The following WAPL variants were observed in gnomAD, a reference collection of about 807,000 sequenced individuals.
WAPL encodes the protein wings apart-like protein homolog.
WAPL carries 5 observed loss-of-function variants against 121.0 expected under a neutral mutation model. That is an observed-to-expected ratio of 0.04 (90% CI 0.02 to 0.09). WAPL has a LOEUF of 0.09. Among genes scored for constraint, WAPL ranks in the 10% least tolerant of loss-of-function variants. WAPL has a pLI of 1.00. For synonymous variants in WAPL, 480 were observed against 481.5 expected (o/e 1.00, Z 0.04); for missense variants, 999 against 1,410.8 (o/e 0.71, Z 4.68).
At chr10:86,482,634 A>C (rs1002747289) in intron 4 of WAPL, among the ~76,000 whole-genome samples, 1 of 152,226 alleles carries the variant, frequency 6.6e-6, no homozygotes, top group African/African-American at 2.4e-5. Flanking sequence ...TTTTCACAAA[A>C]TGATGGGGAC....
chr10:86,515,343 G>A (rs1341153634), intron 2 of WAPL, among the ~76,000 whole-genome samples: 1 of 151,852 alleles, frequency 6.6e-6, no homozygotes, highest in Admixed American at 6.6e-5. Flanking sequence ...CTTGTACAGT[G>A]GTTTGACGGA....
chr10:86,490,414 T>A (rs1405041296), intron 4 of WAPL, among the ~76,000 whole-genome samples: 2 of 152,196 alleles, frequency 1.3e-5, no homozygotes, highest in Non-Finnish European at 2.9e-5. Flanking sequence ...GCCAGATAGA[T>A]TCCTTTGTAA....
chr10:86,469,106 TAAATA>T (rs552831506), intron 8 of WAPL, among the ~76,000 whole-genome samples: 1 of 150,958 alleles, frequency 6.6e-6, no homozygotes, highest in African/African-American at 2.4e-5. Context: ...TCTCTCAAAA[TAAATA>T]AAATAAAATA....
At chr10:86,487,791 A>G (rs1418535908) in intron 4 of WAPL, among the ~76,000 whole-genome samples, 1 of 152,170 alleles carries the variant, frequency 6.6e-6, no homozygotes, top group East Asian at 1.9e-4. Flanking sequence ...GCTACTTGGG[A>G]GGCTGAGGCA....
At position 86,521,689 on chromosome 10, in the gene WAPL, G is replaced by A. The variant is rs896246883; in HGVS notation, c.-347C>T. ...GCCTCCTGCGCCGCCGCTTCCGCCG[G>A]TGAATGGTCAGTGCTGGAGTTTGAA... On this transcript the variant is annotated 5_prime_UTR_variant, in exon 1 of 19. Coordinates refer to ENST00000298767, the MANE Select transcript of WAPL (RefSeq NM_015045.5). The A allele has an allele frequency of 8.6e-6, 4 of 464,050 alleles. No individual in the cohort carries two copies. The highest frequency in any genetic ancestry group is 3.1e-5 in the South Asian group (2 of 63,542). The allele number at this position is 464,050 out of a possible 1,614,324, so 28.7% of individuals were successfully genotyped here. A position where few individuals can be genotyped will look rare whatever the true frequency, so the allele number is the denominator to read the frequency against.
chr10:86,468,040 A>G (rs1841441827), intron 8 of WAPL, among the ~76,000 whole-genome samples: 1 of 151,994 alleles, frequency 6.6e-6, no homozygotes, highest in Non-Finnish European at 1.5e-5. Flanking sequence ...CTTAAAATTT[A>G]CCTTTCAATG....
chr10:86,483,796 T>TAA (rs1841859353), intron 4 of WAPL, among the ~76,000 whole-genome samples: 1 of 7,198 alleles, frequency 1.4e-4, no homozygotes, highest in African/African-American at 3.9e-4. Context: ...TTTTTTTTCT[T>TAA]TTTTTTTTTT....
intron 16 of WAPL, 169 bp from the exon 17 acceptor site, chr10:86,443,532 G>T: frequency 2.0e-6 from 1 of 491,702 alleles, no homozygotes; most frequent in Non-Finnish European, 3.5e-6. Flanking sequence ...AATGAAATAG[G>T]GATCCAAAAG....
At chr10:86,448,208 T>C (rs1267173668) in intron 15 of WAPL, among the ~76,000 whole-genome samples, 1 of 152,170 alleles carries the variant, frequency 6.6e-6, no homozygotes, top group Non-Finnish European at 1.5e-5. Context: ...CAGGGCATGG[T>C]GGCTCATGCC....
At chr10:86,491,136 CTTTTT>C (rs34863367) in intron 4 of WAPL, among the ~76,000 whole-genome samples, 10 of 102,786 alleles carry the variant, frequency 9.7e-5, no homozygotes, top group African/African-American at 3.2e-4. Context: ...ACTCATGGTT[CTTTTT>C]TTTTTTTTTT....
intron 15 of WAPL, among the ~76,000 whole-genome samples, chr10:86,449,161 G>GT (rs1285217803): frequency 1.3e-5 from 2 of 152,208 alleles, no homozygotes; most frequent in Non-Finnish European, 2.9e-5. Context: ...AGAACTACCT[G>GT]TAAGATTCCA....
intron 14 of WAPL, among the ~76,000 whole-genome samples, chr10:86,452,963 A>T (rs1248413465): frequency 1.6e-5 from 2 of 124,292 alleles, no homozygotes; most frequent in Admixed American, 1.9e-4. Flanking sequence ...TGCTTGAACC[A>T]GGGAGGCGGA....
intron 2 of WAPL, among the ~76,000 whole-genome samples, chr10:86,514,773 C>G (rs968743335): frequency 6.6e-6 from 1 of 152,148 alleles, no homozygotes; most frequent in African/African-American, 2.4e-5. Flanking sequence ...ATTCCTTTTC[C>G]CCCTTACCTA....
At chr10:86,454,485 C>T (rs1841082382) in intron 12 of WAPL, among the ~76,000 whole-genome samples, 1 of 152,212 alleles carries the variant, frequency 6.6e-6, no homozygotes. Flanking sequence ...CTGCCTGATT[C>T]TCCTGCCTCA....
intron 8 of WAPL, among the ~76,000 whole-genome samples, chr10:86,469,967 T>C (rs1006742797): frequency 1.4e-4 from 21 of 151,960 alleles, no homozygotes; most frequent in Non-Finnish European, 2.4e-4. Flanking sequence ...GCTCAAGAGA[T>C]CCTCCCTTAG....
intron 9 of WAPL, 132 bp downstream of exon 9, chr10:86,467,147 A>C (rs374493167): frequency 1.3e-6 from 1 of 756,996 alleles, no homozygotes; most frequent in Non-Finnish European, 2.1e-6. Context: ...AGATCTAAAC[A>C]TAAGAAATTT....
At chr10:86,470,748 TAAC>T (rs1184396852) in intron 8 of WAPL, among the ~76,000 whole-genome samples, 8 of 152,288 alleles carry the variant, frequency 5.3e-5, no homozygotes, top group African/African-American at 9.6e-5. Flanking sequence ...TTAGCTAAGA[TAAC>T]AAAATACAAT....
At chr10:86,462,661 C>T (rs1209564294) in intron 9 of WAPL, among the ~76,000 whole-genome samples, 12 of 138,554 alleles carry the variant, frequency 8.7e-5, no homozygotes, top group South Asian at 2.2e-4. Flanking sequence ...GTGGAGGTTG[C>T]AGTGAGCCAA....
In WAPL at chr10:86,467,251, T is replaced by A. The variant is rs371232502; in HGVS notation, c.2370+28A>T. ...AAAGACTTTCTGAAAGTAATTCTCA[T>A]CTTAGAAGGAAGGAAGAAGGAACCC... On this transcript the variant is annotated intron_variant, in intron 9 of 18. Transcript: ENST00000298767. The A allele has an allele frequency of 7.8e-4, 1,237 of 1,592,990 alleles. 20 individuals are homozygous for A. In the South Asian group the frequency reaches 0.011, roughly 14 times the overall value.
Sources: gnomAD v4.1 joint callset for allele counts (sites outside exome capture counted in the v4.1 genomes callset) on GRCh38, gnomAD v4.1.1 for gene constraint, MANE v1.5 for transcripts, NCBI Gene and HGNC (gene_info 2026-07-23, HGNC 2026-07-21) for gene names.